UNC5D: variants seen among roughly 807,000 people sequenced by gnomAD.
UNC5D encodes the protein unc-5 netrin receptor D, also known as netrin receptor UNC5D.
UNC5D carries 39 observed loss-of-function variants against 105.4 expected under a neutral mutation model. The observed-to-expected ratio is 0.37, with a 90% CI of 0.29 to 0.48. The LOEUF (loss-of-function observed/expected upper bound fraction) is 0.48. Ranked by LOEUF, UNC5D falls within the 20% of genes least tolerant of loss-of-function variation. The pLI is 0.98. For missense variants in UNC5D, 991 were observed against 1,202.4 expected (o/e 0.82, Z 2.60); for synonymous variants, 452 against 450.4 (o/e 1.00, Z -0.04).
chr8:35,602,146 G>A (rs1460002615), intron 4 of UNC5D, among the ~76,000 whole-genome samples: 1 of 152,162 alleles, frequency 6.6e-6, no homozygotes, highest in Non-Finnish European at 1.5e-5. Flanking sequence ...CAGGGATTAA[G>A]CCCACTTGAT....
chr8:35,559,448 A>T (rs1465067364), intron 2 of UNC5D, among the ~76,000 whole-genome samples: 3 of 152,204 alleles, frequency 2.0e-5, no homozygotes, highest in Non-Finnish European at 2.9e-5. Flanking sequence ...AACTGTGTCA[A>T]ATTCCTCCCC....
chr8:35,724,365 TG>T, intron 9 of UNC5D: 1 of 1,462,780 alleles, frequency 6.8e-7, no homozygotes, highest in Non-Finnish European at 9.1e-7. Context: ...TCACCTCCAC[TG>T]TCTTAGAGAG....
rs6150548 is a variant in UNC5D, at chr8:35,264,729, CA to C, written c.103+28866del. On this transcript the variant is annotated intron_variant, in intron 1 of 16. Transcript: ENST00000404895. Reference sequence around the variant, plus strand: ...TGGGTGATGGAGCAAGACTCTGTCTCAAAAAAAAAAAAAAAAAAAAAAAAGA... The same window carrying C: ...TGGGTGATGGAGCAAGACTCTGTCTCAAAAAAAAAAAAAAAAAAAAAAAGA... Among the ~76,000 whole-genome samples, 1,078 of 142,070 alleles carry C rather than the reference CA, an allele frequency of 7.6e-3. 3 individuals carry two copies. Among genetic ancestry groups the C allele is most frequent in the African/African-American group, 0.028 (1,036 of 36,596 alleles). The allele number at this position is 142,070 out of a possible 152,430, so 93.2% of individuals were successfully genotyped here.
At chr8:35,628,322 C>T (rs1022035032) in intron 4 of UNC5D, among the ~76,000 whole-genome samples, 1 of 152,060 alleles carries the variant, frequency 6.6e-6, no homozygotes, top group East Asian at 1.9e-4. Flanking sequence ...TTATTAGAGA[C>T]AGGGTTTCAC....
At chr8:35,684,004 T>C (rs947742691) in intron 5 of UNC5D, among the ~76,000 whole-genome samples, 3 of 152,158 alleles carry the variant, frequency 2.0e-5, no homozygotes, top group Admixed American at 2.0e-4. Context: ...TTTCTTCCAT[T>C]ATGTTTATAT....
intron 1 of UNC5D, among the ~76,000 whole-genome samples, chr8:35,394,062 C>G (rs562941056): frequency 2.0e-5 from 3 of 151,556 alleles, no homozygotes; most frequent in South Asian, 2.1e-4. Context: ...CTTCTTGACC[C>G]TAGGAGTTTA....
chr8:35,659,379 T>C (rs1223745831), intron 4 of UNC5D, among the ~76,000 whole-genome samples: 2 of 152,178 alleles, frequency 1.3e-5, no homozygotes, highest in South Asian at 2.1e-4. Context: ...TGAAGACTTA[T>C]GTATTTGATT....
At chr8:35,729,933 T>G (rs562815381) in intron 10 of UNC5D, among the ~76,000 whole-genome samples, 3 of 152,102 alleles carry the variant, frequency 2.0e-5, no homozygotes, top group Non-Finnish European at 4.4e-5. Context: ...TGCAATAAGG[T>G]TTACGTTTTT....
chr8:35,748,743 C>T (rs1181282358), intron 12 of UNC5D, 48 bp downstream of exon 12: 1 of 1,584,854 alleles, frequency 6.3e-7, no homozygotes, highest in Non-Finnish European at 8.6e-7. Context: ...TGGGTTCCAC[C>T]TATGGGATAT....
chr8:35,465,034 G>T (rs1327427073), intron 1 of UNC5D, among the ~76,000 whole-genome samples: 1 of 152,140 alleles, frequency 6.6e-6, no homozygotes, highest in Non-Finnish European at 1.5e-5. Context: ...ACCTTGGGTA[G>T]ATATCTCCTC....
intron 1 of UNC5D, among the ~76,000 whole-genome samples, chr8:35,451,470 A>G (rs1329154710): frequency 2.6e-5 from 4 of 152,136 alleles, no homozygotes; most frequent in Non-Finnish European, 4.4e-5. Flanking sequence ...CAATGGTCCA[A>G]AGTGGTGGGC....
intron 1 of UNC5D, among the ~76,000 whole-genome samples, chr8:35,528,051 T>G (rs78646620): frequency 2.6e-5 from 4 of 151,456 alleles, no homozygotes; most frequent in Non-Finnish European, 4.4e-5. Flanking sequence ...TTTTTTTTTT[T>G]TTTTTTTTTT....
chr8:35,422,904 T>C (rs949590956), intron 1 of UNC5D, among the ~76,000 whole-genome samples: 15 of 152,138 alleles, frequency 9.9e-5, no homozygotes, highest in African/African-American at 3.6e-4. Flanking sequence ...AGTGGTCACA[T>C]GGGTAGATGT....
At chr8:35,412,305 T>C (rs1805227097) in intron 1 of UNC5D, among the ~76,000 whole-genome samples, 1 of 152,080 alleles carries the variant, frequency 6.6e-6, no homozygotes, top group African/African-American at 2.4e-5. Flanking sequence ...TCTTCTTAGA[T>C]TGGTGGTATT....
At chr8:35,623,113 G>A (rs2131037283) in intron 4 of UNC5D, among the ~76,000 whole-genome samples, 1 of 152,198 alleles carries the variant, frequency 6.6e-6, no homozygotes, top group East Asian at 1.9e-4. Flanking sequence ...TCAGCAAAAA[G>A]GATAAATTAT....
At chr8:35,325,596 C>T (rs1810086872) in intron 1 of UNC5D, among the ~76,000 whole-genome samples, 1 of 152,244 alleles carries the variant, frequency 6.6e-6, no homozygotes, top group Admixed American at 6.5e-5. Context: ...GATAGTTCTG[C>T]TATACACTCA....
chr8:35,710,280 G>A (rs1477982530), intron 8 of UNC5D, among the ~76,000 whole-genome samples: 1 of 152,154 alleles, frequency 6.6e-6, no homozygotes, highest in Admixed American at 6.5e-5. Context: ...GAGTCAAAAG[G>A]ATTTTCTGAT....
At chr8:35,537,976 A>G (rs1475319448) in intron 1 of UNC5D, among the ~76,000 whole-genome samples, 1 of 152,138 alleles carries the variant, frequency 6.6e-6, no homozygotes, top group Non-Finnish European at 1.5e-5. Context: ...CTTTGCTTTC[A>G]TGGAACCTAT....
At chr8:35,669,251 A>G (rs1204523175) in intron 4 of UNC5D, among the ~76,000 whole-genome samples, 1 of 151,694 alleles carries the variant, frequency 6.6e-6, no homozygotes, top group Non-Finnish European at 1.5e-5. Flanking sequence ...TCCTTAGCTT[A>G]TTTTTCTATG....
Sources: gnomAD v4.1 joint callset for allele counts (sites outside exome capture counted in the v4.1 genomes callset) on GRCh38, gnomAD v4.1.1 for gene constraint, MANE v1.5 for transcripts, NCBI Gene and HGNC (gene_info 2026-07-23, HGNC 2026-07-21) for gene names.